UBE2E3: variants seen among roughly 807,000 people sequenced by gnomAD.
UBE2E3 encodes the protein ubiquitin conjugating enzyme E2 E3.
Under a neutral mutation model 23.6 loss-of-function variants are expected in UBE2E3, and 5 were observed. That is an observed-to-expected ratio of 0.21 (90% CI 0.11 to 0.44). UBE2E3 has a LOEUF of 0.44. UBE2E3 is among the 20% of genes least tolerant of loss of function. The pLI is 0.99. For missense variants in UBE2E3, 81 were observed against 249.8 expected, an observed-to-expected ratio of 0.32 and a Z score of 4.55; for synonymous variants, 78 against 87.5, an observed-to-expected ratio of 0.89 and a Z score of 0.60.
chr2:180,981,750 C>T (rs527608502), intron 1 of UBE2E3, among the ~76,000 whole-genome samples: 48 of 152,316 alleles, frequency 3.2e-4, no homozygotes, highest in African/African-American at 1.1e-3. Context: ...TTCATGCCTT[C>T]TGAGAAAGTA....
intron 3 of UBE2E3, among the ~76,000 whole-genome samples, chr2:181,044,709 C>T (rs183939014): frequency 1.8e-3 from 267 of 152,090 alleles, no homozygotes; most frequent in Middle Eastern, 0.01. Flanking sequence ...GTTTTGTATG[C>T]TTATAGATGG....
chr2:181,048,172 C>T (rs1686726204), intron 3 of UBE2E3, among the ~76,000 whole-genome samples: 1 of 152,094 alleles, frequency 6.6e-6, no homozygotes, highest in Non-Finnish European at 1.5e-5. Flanking sequence ...TAACATTTCC[C>T]CGGCATTCAA....
At chr2:181,050,935 GAGTAATAATCC>G (rs1299075468) in intron 3 of UBE2E3, among the ~76,000 whole-genome samples, 3 of 151,768 alleles carry the variant, frequency 2.0e-5, no homozygotes, top group Admixed American at 2.0e-4. Flanking sequence ...GGTAAGACTT[GAGTAATAATCC>G]AGTAATCCTT....
chr2:180,984,767 A>G (rs1684401190), intron 3 of UBE2E3, among the ~76,000 whole-genome samples: 1 of 152,282 alleles, frequency 6.6e-6, no homozygotes, highest in African/African-American at 2.4e-5. Context: ...TGAATTTAAG[A>G]TTATTGGTTG....
At chr2:180,985,029 G>C (rs752879368) in intron 3 of UBE2E3, among the ~76,000 whole-genome samples, 3 of 152,106 alleles carry the variant, frequency 2.0e-5, no homozygotes, top group Admixed American at 6.5e-5. Context: ...GCTACAAGTT[G>C]TATTCACTTG....
At chr2:181,026,502 G>T (rs1685889768) in intron 3 of UBE2E3, among the ~76,000 whole-genome samples, 1 of 149,900 alleles carries the variant, frequency 6.7e-6, no homozygotes, top group African/African-American at 2.5e-5. Flanking sequence ...CTAGTTCTTA[G>T]ATCTTTCAAC....
At chr2:180,986,048 A>G (rs1369738614) in intron 3 of UBE2E3, among the ~76,000 whole-genome samples, 1 of 152,138 alleles carries the variant, frequency 6.6e-6, no homozygotes, top group Non-Finnish European at 1.5e-5. Flanking sequence ...GATTTCATTT[A>G]AGTCCTTGAA....
intron 3 of UBE2E3, among the ~76,000 whole-genome samples, chr2:181,039,368 A>T (rs1261351810): frequency 6.6e-6 from 1 of 152,148 alleles, no homozygotes; most frequent in African/African-American, 2.4e-5. Flanking sequence ...TGTAATGAAT[A>T]TACTTTTAGT....
At chr2:181,038,747 A>G (rs1028627557) in intron 3 of UBE2E3, among the ~76,000 whole-genome samples, 4 of 152,246 alleles carry the variant, frequency 2.6e-5, no homozygotes, top group Non-Finnish European at 4.4e-5. Flanking sequence ...TTATATCTTA[A>G]TAGACAAACC....
chr2:180,987,485 T>A (rs1452842767), intron 3 of UBE2E3: 1 of 1,421,402 alleles, frequency 7.0e-7, no homozygotes, highest in Admixed American at 2.1e-5. Context: ...TATGTTCAGA[T>A]TGAATCTATA....
intron 3 of UBE2E3, among the ~76,000 whole-genome samples, chr2:181,049,949 A>AT (rs1437926030): frequency 6.6e-6 from 1 of 152,010 alleles, no homozygotes; most frequent in African/African-American, 2.4e-5. Context: ...AAGAAAAAAT[A>AT]TATTTATTTG....
intron 4 of UBE2E3, among the ~76,000 whole-genome samples, chr2:181,059,791 C>T (rs914814972): frequency 6.6e-6 from 1 of 151,622 alleles, no homozygotes; most frequent in Admixed American, 6.6e-5. Context: ...TCCCCTACCC[C>T]CTCCCTGTCA....
intron 3 of UBE2E3, among the ~76,000 whole-genome samples, chr2:181,000,120 G>T (rs948645971): frequency 6.6e-6 from 1 of 152,138 alleles, no homozygotes; most frequent in African/African-American, 2.4e-5. Context: ...ATTTCTAGAT[G>T]TATTAGATAC....
At chr2:180,993,866 A>G (rs1361365987) in intron 3 of UBE2E3, among the ~76,000 whole-genome samples, 1 of 152,164 alleles carries the variant, frequency 6.6e-6, no homozygotes, top group Non-Finnish European at 1.5e-5. Context: ...TATAGAGGGT[A>G]CCATAAGGCA....
At chr2:181,023,833 A>T (rs1685784777) in intron 3 of UBE2E3, among the ~76,000 whole-genome samples, 1 of 152,214 alleles carries the variant, frequency 6.6e-6, no homozygotes, top group Non-Finnish European at 1.5e-5. Context: ...GAATTGATAC[A>T]TGGAAAGTTC....
At chr2:180,997,892 CTT>C (rs926385831) in intron 3 of UBE2E3, among the ~76,000 whole-genome samples, 5 of 152,112 alleles carry the variant, frequency 3.3e-5, no homozygotes, top group African/African-American at 1.2e-4. Context: ...GCACATATCT[CTT>C]TTGAGAGACA....
At chr2:181,055,526 C>T (rs1359973539) in intron 3 of UBE2E3, among the ~76,000 whole-genome samples, 1 of 151,666 alleles carries the variant, frequency 6.6e-6, no homozygotes, top group South Asian at 2.1e-4. Flanking sequence ...GACAGGTAGC[C>T]AACACTACCT....
At chr2:181,058,411 CG>C (rs1292411834) in intron 4 of UBE2E3, among the ~76,000 whole-genome samples, 1 of 151,632 alleles carries the variant, frequency 6.6e-6, no homozygotes, top group African/African-American at 2.4e-5. Context: ...TAACAGAGAA[CG>C]GGGTGAGTTG....
intron 4 of UBE2E3, 70 bp downstream of exon 4, chr2:181,057,895 A>C (rs1400741028): frequency 5.6e-5 from 83 of 1,478,666 alleles, no homozygotes; most frequent in Non-Finnish European, 4.9e-5. Flanking sequence ...CTAGAACTTA[A>C]ATGTGTATTG....
Sources: gnomAD v4.1 joint callset for allele counts (sites outside exome capture counted in the v4.1 genomes callset) on GRCh38, gnomAD v4.1.1 for gene constraint, MANE v1.5 for transcripts, NCBI Gene and HGNC (gene_info 2026-07-23, HGNC 2026-07-21) for gene names.